Variants in NELL1 observed in about 807,000 individuals in gnomAD.
NELL1 encodes the protein neural EGFL like 1.
Under a neutral mutation model 107.4 loss-of-function variants are expected in NELL1, and 76 were observed. The ratio of observed to expected loss-of-function variants is 0.71; its 90% confidence interval spans 0.59 to 0.86. The LOEUF is 0.86. NELL1 is among the 40% of genes least tolerant of loss of function. The probability of loss-of-function intolerance (pLI) is 0.00; values close to 1 mark genes in which losing one functional copy is unlikely to be tolerated. For missense variants in NELL1, 1,024 were observed against 1,005.5 expected (o/e 1.02, Z -0.25); for synonymous variants, 353 against 341.2 (o/e 1.03, Z -0.38).
chr11:21,559,902 T>C (rs1856808500), intron 16 of NELL1, among the ~76,000 whole-genome samples: 1 of 152,138 alleles, frequency 6.6e-6, no homozygotes, highest in South Asian at 2.1e-4. Flanking sequence ...GAGCTAGCTG[T>C]AGATTTGGGT....
chr11:21,274,179 A>T (rs1274356049), intron 14 of NELL1, among the ~76,000 whole-genome samples: 1 of 152,246 alleles, frequency 6.6e-6, no homozygotes, highest in East Asian at 1.9e-4. Context: ...AGAGACACAC[A>T]TAGGCTCAAA....
At chr11:21,439,884 C>T (rs1054269286) in intron 15 of NELL1, among the ~76,000 whole-genome samples, 1 of 152,108 alleles carries the variant, frequency 6.6e-6, no homozygotes, top group Non-Finnish European at 1.5e-5. Flanking sequence ...TATTACATTG[C>T]TTAGCTGCCT....
intron 11 of NELL1, among the ~76,000 whole-genome samples, chr11:20,953,304 T>A (rs184991877): frequency 1.5e-3 from 232 of 152,280 alleles, no homozygotes; most frequent in Non-Finnish European, 2.7e-3. Context: ...GGGGTATACT[T>A]TAGGGGCAGG....
intron 12 of NELL1, among the ~76,000 whole-genome samples, chr11:21,045,317 T>A (rs10833437): frequency 0.29 from 44,520 of 152,006 alleles, 6,984 homozygotes; most frequent in East Asian, 0.48. Flanking sequence ...TGTGAATGTC[T>A]GAAGTGGTTT....
intron 3 of NELL1, among the ~76,000 whole-genome samples, chr11:20,837,759 G>A (rs996470443): frequency 6.6e-6 from 1 of 152,104 alleles, no homozygotes; most frequent in African/African-American, 2.4e-5. Flanking sequence ...AATAAACAGT[G>A]TTGGATTGTA....
Position 21,170,206 on chromosome 11 carries a change from T to C in NELL1, c.1426+56492T>C, listed in dbSNP as rs1856573701. 9 of 508,824 alleles carry C rather than the reference T, an allele frequency of 1.8e-5. No homozygotes were observed. The Admixed American group carries it at 2.2e-4, about 13-fold the overall frequency. 31.5% of individuals were successfully genotyped at this position (508,824 alleles called of 1,614,324 possible). On this transcript the variant is annotated intron_variant, in intron 13 of 19. Coordinates refer to ENST00000357134, the MANE Select transcript of NELL1 (RefSeq NM_006157.5). ...TTAGAATAATCCCAAAACTCATCTG[T>C]CGAACGTGTTGGGAAAATTTCTTGT...
intron 13 of NELL1, among the ~76,000 whole-genome samples, chr11:21,138,075 C>T (rs555094860): frequency 6.6e-6 from 1 of 152,232 alleles, no homozygotes; most frequent in Non-Finnish European, 1.5e-5. Flanking sequence ...TGGAGAGAAC[C>T]TGATGGCATT....
intron 14 of NELL1, among the ~76,000 whole-genome samples, chr11:21,234,578 A>C (rs923894858): frequency 4.6e-5 from 7 of 152,214 alleles, no homozygotes; most frequent in Non-Finnish European, 8.8e-5. Context: ...AATTCAGGTC[A>C]CTGTAGAAAC....
At chr11:21,193,706 T>A (rs1857093542) in intron 13 of NELL1, among the ~76,000 whole-genome samples, 1 of 151,916 alleles carries the variant, frequency 6.6e-6, no homozygotes, top group Non-Finnish European at 1.5e-5. Flanking sequence ...ATTTCACAGA[T>A]AAGTCATTTC....
intron 7 of NELL1, 124 bp downstream of exon 7, chr11:20,919,458 GT>G (rs1469247663): frequency 3.9e-5 from 23 of 589,972 alleles, no homozygotes; most frequent in Admixed American, 3.0e-4. Flanking sequence ...CTACAAAAAT[GT>G]TTTATTCTTA....
chr11:21,171,442 T>G (rs1856604903), intron 13 of NELL1, among the ~76,000 whole-genome samples: 2 of 151,846 alleles, frequency 1.3e-5, no homozygotes, highest in Non-Finnish European at 1.5e-5. Context: ...TGTATATTTT[T>G]TAACGAAACT....
chr11:21,146,325 A>G (rs1285937809), intron 13 of NELL1, among the ~76,000 whole-genome samples: 2 of 152,218 alleles, frequency 1.3e-5, no homozygotes, highest in Non-Finnish European at 2.9e-5. Flanking sequence ...GGATATAAAA[A>G]AGAAGGATGA....
At chr11:20,931,046 G>T (rs770989521) in intron 9 of NELL1, among the ~76,000 whole-genome samples, 5 of 152,148 alleles carry the variant, frequency 3.3e-5, no homozygotes, top group Non-Finnish European at 7.4e-5. Flanking sequence ...GTTTTTAATA[G>T]AAATATGCAT....
chr11:21,165,008 C>T lies in NELL1; in HGVS notation c.1426+51294C>T, dbSNP rs1235188920. Among the ~76,000 whole-genome samples, 4 of 152,142 alleles carry T rather than the reference C, an allele frequency of 2.6e-5. No individual in the cohort carries two copies. In the South Asian group the frequency reaches 6.2e-4, roughly 24 times the overall value. On this transcript the variant is annotated intron_variant, in intron 13 of 19. Transcript: ENST00000357134. Reference sequence around the variant, plus strand: ...TTGATTATTTATTTTAAATGATTTACCATCAATTTGTTTTGATTGACAGCA... The same window carrying T: ...TTGATTATTTATTTTAAATGATTTATCATCAATTTGTTTTGATTGACAGCA...
intron 12 of NELL1, among the ~76,000 whole-genome samples, chr11:20,990,182 T>C (rs955713281): frequency 4.6e-5 from 7 of 152,142 alleles, no homozygotes; most frequent in African/African-American, 7.2e-5. Context: ...TGCCCTTTCA[T>C]GGGTCAGTAA....
chr11:20,778,273 T>A (rs1219110351), intron 2 of NELL1, among the ~76,000 whole-genome samples: 1 of 152,170 alleles, frequency 6.6e-6, no homozygotes, highest in African/African-American at 2.4e-5. Context: ...GTGTCTATCC[T>A]CTAGGGCAGA....
chr11:21,033,947 A>T (rs1447961545), intron 12 of NELL1, among the ~76,000 whole-genome samples: 1 of 152,002 alleles, frequency 6.6e-6, no homozygotes, highest in Admixed American at 6.6e-5. Context: ...CTGACATGAG[A>T]TGGTATCTCA....
chr11:21,257,489 A>G (rs531807055), intron 14 of NELL1, among the ~76,000 whole-genome samples: 1 of 152,022 alleles, frequency 6.6e-6, no homozygotes, highest in African/African-American at 2.4e-5. Context: ...AGCCTCATCT[A>G]TGTTGTATGA....
intron 14 of NELL1, among the ~76,000 whole-genome samples, chr11:21,232,709 A>T (rs1858095449): frequency 6.6e-6 from 1 of 152,108 alleles, no homozygotes; most frequent in African/African-American, 2.4e-5. Flanking sequence ...ACTGGAGTGC[A>T]GTGGCTTGAT....
Sources: gnomAD v4.1 joint callset for allele counts (sites outside exome capture counted in the v4.1 genomes callset) on GRCh38, gnomAD v4.1.1 for gene constraint, MANE v1.5 for transcripts, NCBI Gene and HGNC (gene_info 2026-07-23, HGNC 2026-07-21) for gene names.